CLIC5: variants seen among roughly 807,000 people sequenced by gnomAD.
CLIC5 encodes the protein chloride intracellular channel protein 5.
CLIC5 carries 20 observed loss-of-function variants against 24.7 expected under a neutral mutation model. The ratio of observed to expected loss-of-function variants is 0.81; its 90% CI spans 0.57 to 1.18. The LOEUF is 1.18. CLIC5 is among the 50% of genes most tolerant of loss of function. CLIC5 has a pLI of 0.00. For synonymous variants in CLIC5, 159 were observed against 135.6 expected (o/e 1.17, Z -1.20); for missense variants, 341 against 326.1 (o/e 1.05, Z -0.35).
intron 4 of CLIC5, among the ~76,000 whole-genome samples, 176 bp downstream of exon 4, chr6:45,941,371 C>T (rs558503270): frequency 1.3e-5 from 2 of 148,532 alleles, no homozygotes; most frequent in East Asian, 2.0e-4. Flanking sequence ...CCACCTCCTC[C>T]CCTGTGTCAA....
the CLIC5 span, among the ~76,000 whole-genome samples, chr6:46,098,511 T>C: frequency 0.02 from 3,114 of 152,280 alleles, 123 homozygotes; most frequent in African/African-American, 0.071. Flanking sequence ...AAAATATGTT[T>C]TTAGAAAAAG....
chr6:46,117,994 G>C, the CLIC5 span, among the ~76,000 whole-genome samples: 1 of 152,142 alleles, frequency 6.6e-6, no homozygotes. Context: ...ATCACAAGTG[G>C]TCTATGCCCT....
At chr6:46,088,199 C>T in the CLIC5 span, among the ~76,000 whole-genome samples, 3 of 105,620 alleles carry the variant, frequency 2.8e-5, no homozygotes, top group Non-Finnish European at 4.2e-5. Context: ...GTGTGTGACA[C>T]TGTATAATAT....
At chr6:45,961,273 TTG>T (rs1310597930) in intron 1 of CLIC5, among the ~76,000 whole-genome samples, 1 of 152,236 alleles carries the variant, frequency 6.6e-6, no homozygotes, top group Non-Finnish European at 1.5e-5. Flanking sequence ...TTAAATAATT[TTG>T]TTAAGTGTAC....
intron 1 of CLIC5, among the ~76,000 whole-genome samples, chr6:46,051,328 G>A (rs1480165619): frequency 6.6e-6 from 1 of 152,146 alleles, no homozygotes; most frequent in Non-Finnish European, 1.5e-5. Flanking sequence ...AGTGTGATGG[G>A]GGGCAAATTA....
chr6:46,035,558 A>G (rs1291313970), intron 1 of CLIC5, among the ~76,000 whole-genome samples: 1 of 152,100 alleles, frequency 6.6e-6, no homozygotes, highest in Non-Finnish European at 1.5e-5. Context: ...CTGAAAATCT[A>G]ACAGAGACTC....
At chr6:46,101,979 T>G in the CLIC5 span, among the ~76,000 whole-genome samples, 2 of 148,352 alleles carry the variant, frequency 1.3e-5, no homozygotes. Context: ...AAGAAGTGTG[T>G]GTGTTGGGGG....
chr6:45,996,389 G>C (rs1013385934), intron 1 of CLIC5, among the ~76,000 whole-genome samples: 1 of 152,064 alleles, frequency 6.6e-6, no homozygotes, highest in Non-Finnish European at 1.5e-5. Flanking sequence ...TGTTGCCATT[G>C]CTTTTGGTGT....
At chr6:46,011,686 G>A (rs574080715) in intron 1 of CLIC5, among the ~76,000 whole-genome samples, 3 of 152,176 alleles carry the variant, frequency 2.0e-5, no homozygotes, top group South Asian at 2.1e-4. Flanking sequence ...ATGCAAATGG[G>A]TGGAATGCCT....
intron 4 of CLIC5, among the ~76,000 whole-genome samples, chr6:45,931,693 C>T (rs1763742631): frequency 6.6e-6 from 1 of 152,200 alleles, no homozygotes. Flanking sequence ...GAATCTTGCT[C>T]TGTCACCCAG....
chr6:46,069,922 G>A (rs1002711702), intron 1 of CLIC5, among the ~76,000 whole-genome samples: 9 of 152,110 alleles, frequency 5.9e-5, no homozygotes, highest in African/African-American at 1.9e-4. Context: ...TTCAACATAT[G>A]CAAATCAATA....
chr6:46,025,690 C>T (rs1461625734), intron 1 of CLIC5, among the ~76,000 whole-genome samples: 1 of 152,098 alleles, frequency 6.6e-6, no homozygotes, highest in Non-Finnish European at 1.5e-5. Flanking sequence ...TGCTGGATGG[C>T]CTTTAACATG....
chr6:46,085,835 C>T, the CLIC5 span, among the ~76,000 whole-genome samples: 1 of 152,250 alleles, frequency 6.6e-6, no homozygotes, highest in Non-Finnish European at 1.5e-5. Flanking sequence ...TGTCTGTGCC[C>T]TGCCCCCAGA....
At chr6:46,012,824 C>A (rs529183328) in intron 1 of CLIC5, among the ~76,000 whole-genome samples, 4 of 152,206 alleles carry the variant, frequency 2.6e-5, no homozygotes, top group Non-Finnish European at 5.9e-5. Context: ...GCTCTGACAG[C>A]GAGTCTCATA....
chr6:46,009,674 A>G (rs1356948745), intron 1 of CLIC5, among the ~76,000 whole-genome samples: 1 of 152,160 alleles, frequency 6.6e-6, no homozygotes, highest in Non-Finnish European at 1.5e-5. Flanking sequence ...AGTATATTTG[A>G]TGAGAGCACC....
At chr6:46,107,357 C>A in the CLIC5 span, among the ~76,000 whole-genome samples, 6 of 152,190 alleles carry the variant, frequency 3.9e-5, no homozygotes, top group Non-Finnish European at 7.3e-5. Flanking sequence ...TAATCCCTTT[C>A]TCCCTGGCTC....
At chr6:46,048,075 T>C (rs924542093) in intron 1 of CLIC5, among the ~76,000 whole-genome samples, 1 of 151,410 alleles carries the variant, frequency 6.6e-6, no homozygotes, top group Non-Finnish European at 1.5e-5. Flanking sequence ...CAATTTTGGC[T>C]CACTGCAACC....
chr6:45,882,412 A>C (rs1414900781), intron 6 of CLIC5, among the ~76,000 whole-genome samples: 1 of 152,254 alleles, frequency 6.6e-6, no homozygotes, highest in Non-Finnish European at 1.5e-5. Context: ...ACCACCCTTG[A>C]AAACCTCAAG....
intron 1 of CLIC5, among the ~76,000 whole-genome samples, chr6:45,959,996 G>A (rs1764793992): frequency 1.3e-5 from 2 of 151,896 alleles, no homozygotes; most frequent in South Asian, 4.2e-4. Context: ...TGAAACACTA[G>A]TAAACTTACC....
Sources: allele counts gnomAD v4.1 joint callset (sites outside exome capture counted in the v4.1 genomes callset), GRCh38; gene constraint gnomAD v4.1.1; transcripts MANE v1.5; gene names NCBI Gene and HGNC (gene_info 2026-07-23, HGNC 2026-07-21).